Variants in PLXDC2 observed in about 807,000 individuals in gnomAD.
PLXDC2 encodes the protein plexin domain containing 2.
In PLXDC2, 40 loss-of-function variants were observed where a neutral mutation model predicts 68.9. That is an observed-to-expected ratio of 0.58 (90% CI 0.45 to 0.76). The LOEUF is 0.76. PLXDC2 is among the 30% of genes least tolerant of loss of function. PLXDC2 has a pLI of 0.00. For synonymous variants in PLXDC2, 243 were observed against 234.2 expected, an observed-to-expected ratio of 1.04 and a Z score of -0.34; for missense variants, 644 against 661.9, an observed-to-expected ratio of 0.97 and a Z score of 0.30.
intron 3 of PLXDC2, among the ~76,000 whole-genome samples, chr10:20,063,442 C>T (rs559042549): frequency 1.0e-3 from 153 of 152,080 alleles, no homozygotes; most frequent in African/African-American, 3.5e-3. Context: ...TGTGCCCACT[C>T]CAGATTCTTA....
At chr10:20,150,601 C>T (rs991505949) in intron 6 of PLXDC2, among the ~76,000 whole-genome samples, 13 of 152,060 alleles carry the variant, frequency 8.5e-5, no homozygotes, top group African/African-American at 2.9e-4. Flanking sequence ...TGCACAGTGA[C>T]GTTTTGCAAT....
At chr10:20,022,990 C>T (rs1835338346) in intron 2 of PLXDC2, among the ~76,000 whole-genome samples, 1 of 151,336 alleles carries the variant, frequency 6.6e-6, no homozygotes, top group African/African-American at 2.4e-5. Flanking sequence ...AACACTGTGG[C>T]AGTGGCCACT....
chr10:19,860,142 T>G lies in PLXDC2; in HGVS notation c.112+42951T>G, dbSNP rs200628380. On this transcript the variant is annotated intron_variant, in intron 1 of 13. Coordinates refer to ENST00000377252, the MANE Select transcript of PLXDC2 (RefSeq NM_032812.9). ...ATCACACTACTAACAGGACCCTCTT[T>G]CCCTCTTCTCTCTTTTTTCCCCAAG... Among the ~76,000 whole-genome samples, 11 of 152,322 alleles carry G rather than the reference T, an allele frequency of 7.2e-5. No homozygotes were observed. In the East Asian group the frequency reaches 1.2e-3, roughly 16 times the overall value.
chr10:20,118,105 TACACACACACACACACACACAC>T (rs60160833), intron 4 of PLXDC2, among the ~76,000 whole-genome samples: 1 of 146,718 alleles, frequency 6.8e-6, no homozygotes, highest in Non-Finnish European at 1.5e-5. Flanking sequence ...CATATATGCC[TACACACACACACACACACACAC>T]ACACACACAC....
At position 20,280,682 on chromosome 10, in the gene PLXDC2, C is replaced by T. The variant is rs1836070537; in HGVS notation, c.*863C>T. On this transcript the variant is annotated 3_prime_UTR_variant, in exon 14 of 14. Coordinates refer to ENST00000377252, the MANE Select transcript of PLXDC2 (RefSeq NM_032812.9). Reference sequence around the variant, plus strand: ...CACAGTTGCTCTGGGCTGATGGAAACAAAAGGAAACAGTATGAAGAGTTCC... The same window carrying T: ...CACAGTTGCTCTGGGCTGATGGAAATAAAAGGAAACAGTATGAAGAGTTCC... 6.6e-6 allele frequency: 1 copy of T among 152,006 alleles called. No homozygotes were observed. Among genetic ancestry groups the T allele is most frequent in the Admixed American group, 6.6e-5 (1 of 15,256 alleles). The allele number at this position is 152,006 out of a possible 1,614,324, so 9.4% of individuals were successfully genotyped here. A position where few individuals can be genotyped will look rare whatever the true frequency, so the allele number is the denominator to read the frequency against.
At chr10:19,942,633 G>A (rs574224715) in intron 1 of PLXDC2, among the ~76,000 whole-genome samples, 5 of 152,216 alleles carry the variant, frequency 3.3e-5, no homozygotes, top group East Asian at 1.9e-4. Flanking sequence ...GCATGGTGGC[G>A]TGTGCCTGTA....
At chr10:19,968,583 G>A (rs1399068748) in intron 1 of PLXDC2, among the ~76,000 whole-genome samples, 1 of 152,112 alleles carries the variant, frequency 6.6e-6, no homozygotes, top group Admixed American at 6.5e-5. Flanking sequence ...AAAGTGCTGG[G>A]AATATAGGCA....
chr10:20,260,074 T>G (rs567521361), intron 13 of PLXDC2, among the ~76,000 whole-genome samples: 46 of 152,210 alleles, frequency 3.0e-4, no homozygotes, highest in Admixed American at 4.6e-4. Flanking sequence ...TTTTATAAAT[T>G]GTATATATTT....
intron 7 of PLXDC2, among the ~76,000 whole-genome samples, chr10:20,171,030 T>C (rs1834440140): frequency 6.6e-6 from 1 of 152,140 alleles, no homozygotes; most frequent in African/African-American, 2.4e-5. Context: ...ATAACCATTA[T>C]AACTAATTTT....
intron 13 of PLXDC2, among the ~76,000 whole-genome samples, chr10:20,275,095 C>T (rs1373303134): frequency 6.6e-6 from 1 of 150,600 alleles, no homozygotes; most frequent in Non-Finnish European, 1.5e-5. Flanking sequence ...CTTGGACAGT[C>T]AAACTGTCGA....
intron 1 of PLXDC2, among the ~76,000 whole-genome samples, chr10:19,951,137 A>G (rs1189929210): frequency 1.3e-5 from 2 of 152,148 alleles, no homozygotes; most frequent in African/African-American, 2.4e-5. Flanking sequence ...AAAAAAATCA[A>G]TAAGTTAGGC....
intron 13 of PLXDC2, among the ~76,000 whole-genome samples, chr10:20,264,770 A>G (rs1439542485): frequency 2.6e-5 from 4 of 152,096 alleles, no homozygotes; most frequent in Non-Finnish European, 5.9e-5. Flanking sequence ...AGGTAATGCA[A>G]ACATTTAAGT....
intron 6 of PLXDC2, among the ~76,000 whole-genome samples, chr10:20,158,366 A>G (rs895188728): frequency 1.4e-5 from 2 of 143,952 alleles, no homozygotes; most frequent in African/African-American, 5.1e-5. Flanking sequence ...ACTTCTAAAT[A>G]GCTATACTTC....
At chr10:19,867,165 A>T (rs1363759024) in intron 1 of PLXDC2, among the ~76,000 whole-genome samples, 2 of 150,452 alleles carry the variant, frequency 1.3e-5, no homozygotes, top group Non-Finnish European at 2.9e-5. Context: ...TCCTGAGTAC[A>T]AGCAATTCTC....
At chr10:20,223,098 T>G (rs1486508974) in intron 12 of PLXDC2, among the ~76,000 whole-genome samples, 1 of 152,124 alleles carries the variant, frequency 6.6e-6, no homozygotes, top group African/African-American at 2.4e-5. Flanking sequence ...AACACCATTC[T>G]AAATGCTACA....
chr10:20,143,089 G>A (rs1834027692), intron 4 of PLXDC2, among the ~76,000 whole-genome samples: 1 of 152,064 alleles, frequency 6.6e-6, no homozygotes, highest in Middle Eastern at 3.4e-3. Flanking sequence ...GATTTGCAAG[G>A]TTCTACCAAA....
chr10:19,881,493 G>T (rs1351805589), intron 1 of PLXDC2, among the ~76,000 whole-genome samples: 1 of 151,358 alleles, frequency 6.6e-6, no homozygotes, highest in Admixed American at 6.6e-5. Flanking sequence ...AATGCTTAAC[G>T]CAAGACTAGT....
chr10:20,257,063 G>C (rs1027780172), intron 13 of PLXDC2, among the ~76,000 whole-genome samples: 1 of 152,122 alleles, frequency 6.6e-6, no homozygotes, highest in Non-Finnish European at 1.5e-5. Context: ...GTGCTGGATG[G>C]ATCTGAGGAA....
At chr10:19,884,198 A>C (rs936451781) in intron 1 of PLXDC2, among the ~76,000 whole-genome samples, 10 of 151,828 alleles carry the variant, frequency 6.6e-5, no homozygotes, top group Non-Finnish European at 1.5e-4. Flanking sequence ...TGCCCGGCCT[A>C]AACTTTTCAA....
Sources: allele counts gnomAD v4.1 joint callset (sites outside exome capture counted in the v4.1 genomes callset), GRCh38; gene constraint gnomAD v4.1.1; transcripts MANE v1.5; gene names NCBI Gene and HGNC (gene_info 2026-07-23, HGNC 2026-07-21).